Variants in PCDHA3 observed in about 807,000 individuals in gnomAD.
PCDHA3 encodes protocadherin alpha-3.
In PCDHA3, 41 loss-of-function variants were observed where a neutral mutation model predicts 62.2. The ratio of observed to expected loss-of-function variants is 0.66; its 90% CI spans 0.51 to 0.86. PCDHA3 has a LOEUF of 0.86. Among genes scored for constraint, PCDHA3 ranks in the 40% least tolerant of loss-of-function variants. The pLI, the probability that PCDHA3 is intolerant of heterozygous loss-of-function variation, is 0.00. For synonymous variants in PCDHA3, 640 were observed against 555.4 expected (o/e 1.15, Z -2.14); for missense variants, 1,304 against 1,241.2 (o/e 1.05, Z -0.76).
At chr5:140,894,717 A>G (rs1349709964) in intron 1 of PCDHA3, among the ~76,000 whole-genome samples, 1 of 151,920 alleles carries the variant, frequency 6.6e-6, no homozygotes, top group Non-Finnish European at 1.5e-5. Flanking sequence ...GTTGTTTTCA[A>G]ATATTACGTA....
intron 1 of PCDHA3, chr5:140,867,037 T>C (rs1167495486): frequency 2.0e-5 from 3 of 152,162 alleles, no homozygotes; most frequent in African/African-American, 7.2e-5. Flanking sequence ...CTTTTATGAC[T>C]TGGCGTTTGT....
At chr5:140,828,810 C>A (rs1221308735) in intron 1 of PCDHA3, 7 of 1,614,140 alleles carry the variant, frequency 4.3e-6, no homozygotes, top group African/African-American at 1.3e-5. Context: ...GATAATGCTC[C>A]CACTTTCGAA....
intron 1 of PCDHA3, chr5:140,835,952 G>A (rs1366259888): frequency 1.2e-6 from 2 of 1,612,910 alleles, no homozygotes; most frequent in Non-Finnish European, 1.7e-6. Flanking sequence ...TGCAGCCGTT[G>A]GACCACGAGG....
intron 1 of PCDHA3, chr5:140,875,562 G>A (rs2055601257): frequency 6.2e-7 from 1 of 1,614,120 alleles, no homozygotes; most frequent in Non-Finnish European, 8.5e-7. Context: ...GGAGCGGCCA[G>A]CTCCACTACT....
chr5:140,868,102 T>C (rs2153230741), intron 1 of PCDHA3: 1 of 152,242 alleles, frequency 6.6e-6, no homozygotes, highest in Admixed American at 6.5e-5. Flanking sequence ...ATAATAAAAT[T>C]TATTTTATAG....
chr5:140,831,696 A>G (rs946538219), intron 1 of PCDHA3, among the ~76,000 whole-genome samples: 3 of 152,070 alleles, frequency 2.0e-5, no homozygotes, highest in African/African-American at 7.2e-5. Flanking sequence ...AGCAGCAAAA[A>G]GTAGTGATTA....
chr5:140,881,463 T>C, intron 1 of PCDHA3: 1 of 599,796 alleles, frequency 1.7e-6, no homozygotes, highest in Non-Finnish European at 2.1e-6. Flanking sequence ...CCTTAGAGCA[T>C]TGTTGTGGCT....
rs2150459394 is a variant in PCDHA3 at position 140,849,947 on chromosome 5, G to A, written c.2394+46356G>A. ...CGGTGTCTGCGCGGGACGCTGACGC[G>A]CAGGAGAACGCCCTGGTGTCCTACT... On this transcript the variant is annotated intron_variant, in intron 1 of 3. Transcript: ENST00000522353. 23 of 1,597,838 alleles carry A rather than the reference G, an allele frequency of 1.4e-5. 5 individuals carry two copies. The highest frequency in any genetic ancestry group is 3.3e-5 in the South Asian group (3 of 90,532).
At chr5:140,871,400 C>T (rs146613275) in intron 1 of PCDHA3, 4 of 1,614,128 alleles carry the variant, frequency 2.5e-6, no homozygotes, top group Non-Finnish European at 3.4e-6. Flanking sequence ...CCACCTAAGA[C>T]GGACCTCATG....
At chr5:140,946,342 A>G (rs2093932164) in intron 1 of PCDHA3, among the ~76,000 whole-genome samples, 1 of 151,846 alleles carries the variant, frequency 6.6e-6, no homozygotes, top group African/African-American at 2.4e-5. Context: ...CAAGTGATGG[A>G]GAGGATGTGG....
chr5:140,859,656 C>A (rs2045955130), intron 1 of PCDHA3: 1 of 155,362 alleles, frequency 6.4e-6, no homozygotes, highest in Admixed American at 6.4e-5. Context: ...TCAGTACGTG[C>A]TTCACAAATA....
chr5:140,870,409 G>T, intron 1 of PCDHA3: 1 of 1,614,226 alleles, frequency 6.2e-7, no homozygotes, highest in South Asian at 1.1e-5. Context: ...TTCTCTGTGG[G>T]CCACGGCCAG....
chr5:140,820,904 G>T (rs1766854844), intron 1 of PCDHA3, among the ~76,000 whole-genome samples: 1 of 151,816 alleles, frequency 6.6e-6, no homozygotes, highest in South Asian at 2.1e-4. Context: ...TACCAAAGTC[G>T]TTCTATTATG....
chr5:141,010,118 T>C lies in PCDHA3; in HGVS notation c.*181T>C. 6.2e-7 allele frequency: 1 copy of C among 1,608,728 alleles called. No homozygotes were observed. The highest frequency in any genetic ancestry group is 8.5e-7 in the Non-Finnish European group (1 of 1,177,116). ...TTAACAGGTTTTGTCGTAAAAGCTT[T>C]ACTAAGTCTGGTGTTAACTCTTTCT... On this transcript the variant is annotated 3_prime_UTR_variant, in exon 4 of 4. Transcript: ENST00000522353.
At chr5:140,915,638 C>CTCTT (rs1554197009) in intron 1 of PCDHA3, among the ~76,000 whole-genome samples, 3 of 151,724 alleles carry the variant, frequency 2.0e-5, no homozygotes, top group Admixed American at 1.3e-4. Context: ...CTCTCTCTCT[C>CTCTT]TCTCTCTCTC....
At chr5:140,997,615 T>C (rs900460811) in intron 3 of PCDHA3, among the ~76,000 whole-genome samples, 5 of 152,096 alleles carry the variant, frequency 3.3e-5, no homozygotes, top group Non-Finnish European at 7.3e-5. Context: ...CATGACTATA[T>C]AGAGATTTTC....
chr5:140,927,325 C>T, intron 1 of PCDHA3: 6 of 1,614,234 alleles, frequency 3.7e-6, no homozygotes, highest in South Asian at 1.1e-5. Context: ...CCGCTTTACT[C>T]TCCCGAATGC....
At chr5:140,956,930 A>G (rs2153711573) in intron 1 of PCDHA3, among the ~76,000 whole-genome samples, 1 of 151,954 alleles carries the variant, frequency 6.6e-6, no homozygotes, top group East Asian at 1.9e-4. Flanking sequence ...TGCTGGATAT[A>G]GGATAAAATT....
chr5:140,828,937 T>C (rs1770037228), intron 1 of PCDHA3: 1 of 1,614,274 alleles, frequency 6.2e-7, no homozygotes, highest in Non-Finnish European at 8.5e-7. Context: ...ATTCTTTTAA[T>C]AGCCTTGTTG....
Sources: gnomAD v4.1 joint callset for allele counts (sites outside exome capture counted in the v4.1 genomes callset) on GRCh38, gnomAD v4.1.1 for gene constraint, MANE v1.5 for transcripts, NCBI Gene and HGNC (gene_info 2026-07-23, HGNC 2026-07-21) for gene names.